KCNN2: variants seen among roughly 807,000 people sequenced by gnomAD.
The protein encoded by KCNN2 is potassium calcium-activated channel subfamily N member 2.
Under a neutral mutation model 55.5 loss-of-function variants are expected in KCNN2, and 24 were observed. The observed-to-expected ratio is 0.43, with a 90% CI of 0.31 to 0.61. KCNN2 has a LOEUF of 0.61. Among genes scored for constraint, KCNN2 ranks in the 20% least tolerant of loss-of-function variants. The pLI, the probability that KCNN2 is intolerant of heterozygous loss-of-function variation, is 0.08. For synonymous variants in KCNN2, 431 were observed against 336.1 expected (o/e 1.28, Z -3.09); for missense variants, 754 against 853.6 (o/e 0.88, Z 1.45).
At position 114,441,042 on chromosome 5, in the gene KCNN2, A is replaced by G. The variant is rs1328704198; in HGVS notation, c.1638-22007A>G. The stretch of plus-strand genomic sequence containing the variant: ...TTACCAAAATGAGTTTAGTGTCACT[A>G]TGTTAATATCTGATAAAGATAGTGT... On this transcript the variant is annotated intron_variant, in intron 3 of 7. Coordinates refer to ENST00000673685, the MANE Select transcript of KCNN2 (RefSeq NM_021614.4). Among the ~76,000 whole-genome samples, 8 of 152,210 alleles carry G rather than the reference A, an allele frequency of 5.3e-5. No individual in the cohort carries two copies. In the East Asian group the frequency reaches 1.2e-3, roughly 22 times the overall value.
chr5:114,403,027 C>T (rs888161499), intron 2 of KCNN2, among the ~76,000 whole-genome samples: 5 of 152,064 alleles, frequency 3.3e-5, no homozygotes, highest in Non-Finnish European at 7.4e-5. Context: ...GAGGGCCAGT[C>T]CTAGAAGGAG....
At chr5:114,430,828 C>A (rs566323837) in intron 3 of KCNN2, among the ~76,000 whole-genome samples, 3 of 151,934 alleles carry the variant, frequency 2.0e-5, no homozygotes, top group African/African-American at 4.8e-5. Context: ...TTGTCAAGTG[C>A]CTTTTCTGCA....
chr5:114,469,774 A>C (rs889370800), intron 4 of KCNN2, among the ~76,000 whole-genome samples: 3 of 152,174 alleles, frequency 2.0e-5, no homozygotes, highest in Admixed American at 1.3e-4. Flanking sequence ...TGAACCTAGA[A>C]AGCTTTCGGA....
chr5:114,284,937 C>T (rs577892988), intron 2 of KCNN2, among the ~76,000 whole-genome samples: 4 of 151,950 alleles, frequency 2.6e-5, no homozygotes, highest in South Asian at 2.1e-4. Context: ...AAATAAATTT[C>T]TGTTGTTTAA....
intron 2 of KCNN2, among the ~76,000 whole-genome samples, chr5:114,356,683 T>C (rs1288338684): frequency 6.6e-6 from 1 of 152,118 alleles, no homozygotes; most frequent in Non-Finnish European, 1.5e-5. Flanking sequence ...TTGCTAAAAA[T>C]TTATAAGACC....
intron 1 of KCNN2, among the ~76,000 whole-genome samples, chr5:114,093,426 T>G (rs2112558592): frequency 6.6e-6 from 1 of 152,356 alleles, no homozygotes; most frequent in African/African-American, 2.4e-5. Context: ...AGCCTCTGCC[T>G]GTTATCCAGT....
At chr5:114,119,888 C>T (rs116693785) in intron 1 of KCNN2, among the ~76,000 whole-genome samples, 1,553 of 152,064 alleles carry the variant, frequency 0.01, 29 homozygotes, top group African/African-American at 0.036. Flanking sequence ...CTTGGTGTCT[C>T]GCATAGGTTT....
At chr5:114,320,200 A>G (rs1756588093) in intron 2 of KCNN2, among the ~76,000 whole-genome samples, 1 of 152,194 alleles carries the variant, frequency 6.6e-6, no homozygotes. Flanking sequence ...AGTAAAATCA[A>G]CATACCCTGT....
chr5:114,215,127 TC>T (rs1159283053), intron 1 of KCNN2, among the ~76,000 whole-genome samples: 7 of 152,134 alleles, frequency 4.6e-5, no homozygotes, highest in African/African-American at 1.7e-4. Context: ...TGAAATATTT[TC>T]ATTTGTCAAA....
intron 2 of KCNN2, among the ~76,000 whole-genome samples, chr5:114,278,836 AT>A (rs1755554277): frequency 6.6e-6 from 1 of 152,166 alleles, no homozygotes; most frequent in Admixed American, 6.5e-5. Context: ...GGGTGAGGCA[AT>A]GCCCCGCCCT....
At chr5:114,269,036 G>C (rs763657149) in intron 2 of KCNN2, among the ~76,000 whole-genome samples, 4 of 151,854 alleles carry the variant, frequency 2.6e-5, no homozygotes, top group Non-Finnish European at 4.4e-5. Context: ...TCATCCATAA[G>C]CCTTGAAAAA....
In KCNN2 at chr5:114,158,762, G is replaced by C. The variant is rs566918304; in HGVS notation, c.-270-62718G>C. Among the ~76,000 whole-genome samples, 824 of 151,792 alleles carry C rather than the reference G, an allele frequency of 5.4e-3. 5 individuals carry two copies. The highest frequency in any genetic ancestry group is 9.1e-3 in the Non-Finnish European group (616 of 67,844). ...TCCTAGGTATTTTATTCTCTTTGAAGCAATTGTGAATGGGAGTTCACTCAT... is the reference window on the plus strand; with the variant it reads ...TCCTAGGTATTTTATTCTCTTTGAACCAATTGTGAATGGGAGTTCACTCAT... On this transcript the variant is annotated intron_variant, in intron 1 of 10. Coordinates refer to the KCNN2 transcript ENST00000512097.
intron 3 of KCNN2, among the ~76,000 whole-genome samples, chr5:114,418,977 G>A (rs1759389527): frequency 6.6e-6 from 1 of 152,196 alleles, no homozygotes; most frequent in East Asian, 1.9e-4. Flanking sequence ...ATAACTGAAT[G>A]TGCCTGAGTA....
Position 114,488,667 on chromosome 5 carries a change from T to C in KCNN2, c.2018+1490T>C, listed in dbSNP as rs1013307172. Among the ~76,000 whole-genome samples, 4 of 152,060 alleles carry C rather than the reference T, an allele frequency of 2.6e-5. No homozygotes were observed. In the South Asian group the frequency reaches 8.3e-4, roughly 32 times the overall value. ...GCTGAGCTTTCGCCTCTGTGTTCCT[T>C]AACCTATTTTCCTGTGGAACAGGCA... On this transcript the variant is annotated intron_variant, in intron 6 of 7. Coordinates refer to ENST00000673685, the MANE Select transcript of KCNN2 (RefSeq NM_021614.4).
intron 2 of KCNN2, among the ~76,000 whole-genome samples, chr5:114,306,711 T>C (rs1756283711): frequency 6.7e-6 from 1 of 148,646 alleles, no homozygotes; most frequent in South Asian, 2.1e-4. Flanking sequence ...TTTTTTTTTT[T>C]TTTTTTTGAG....
chr5:114,169,366 CA>C (rs1752983396), intron 1 of KCNN2, among the ~76,000 whole-genome samples: 1 of 151,880 alleles, frequency 6.6e-6, no homozygotes, highest in Admixed American at 6.6e-5. Context: ...CTCTATCAGA[CA>C]AAATTCTAAG....
intron 2 of KCNN2, among the ~76,000 whole-genome samples, chr5:114,247,220 A>AG (rs1754765907): frequency 6.7e-6 from 1 of 149,258 alleles, no homozygotes; most frequent in South Asian, 2.1e-4. Context: ...AAAAAAAAAA[A>AG]AAAGAAAAGA....
intron 1 of KCNN2, among the ~76,000 whole-genome samples, chr5:114,184,481 CTCT>C (rs1380083267): frequency 6.6e-6 from 1 of 152,110 alleles, no homozygotes; most frequent in Non-Finnish European, 1.5e-5. Context: ...ATTATGCCAT[CTCT>C]TCATAATTAT....
chr5:114,234,868 C>G (rs1313308322), intron 2 of KCNN2, among the ~76,000 whole-genome samples: 1 of 152,052 alleles, frequency 6.6e-6, no homozygotes, highest in Non-Finnish European at 1.5e-5. Flanking sequence ...TGAAGATACT[C>G]TTCATTTGGT....
Sources: allele counts gnomAD v4.1 joint callset (sites outside exome capture counted in the v4.1 genomes callset), GRCh38; gene constraint gnomAD v4.1.1; transcripts MANE v1.5; gene names NCBI Gene and HGNC (gene_info 2026-07-23, HGNC 2026-07-21).